Variants in NBAS observed in about 807,000 individuals in gnomAD.
NBAS encodes NBAS subunit of NRZ tethering complex.
Under a neutral mutation model 302.5 loss-of-function variants are expected in NBAS, and 219 were observed. That is an observed-to-expected ratio of 0.72 (90% CI 0.65 to 0.81). NBAS has a LOEUF of 0.81. NBAS is among the 30% of genes least tolerant of loss of function. The pLI is 0.00. For synonymous variants in NBAS, 1,118 were observed against 1,021.6 expected (o/e 1.09, Z -1.80); for missense variants, 2,932 against 2,841.6 (o/e 1.03, Z -0.72).
chr2:14,998,413 A>G, the NBAS span, among the ~76,000 whole-genome samples: 1 of 152,312 alleles, frequency 6.6e-6, no homozygotes, highest in East Asian at 1.9e-4. Context: ...AGGCCCACAC[A>G]ATGGAGACCT....
At chr2:14,779,387 T>C in the NBAS span, among the ~76,000 whole-genome samples, 1 of 152,242 alleles carries the variant, frequency 6.6e-6, no homozygotes, top group African/African-American at 2.4e-5. Flanking sequence ...CTCACATCAG[T>C]CCTCTGCACC....
chr2:15,357,159 CCA>C (rs745332217), intron 32 of NBAS, among the ~76,000 whole-genome samples: 1 of 152,188 alleles, frequency 6.6e-6, no homozygotes, highest in East Asian at 1.9e-4. Context: ...TGCCTCCTTA[CCA>C]CAGTGATTCT....
In NBAS at chr2:15,172,359, G is replaced by A. The variant is rs147223451; in HGVS notation, c.6841-5036C>T. On this transcript the variant is annotated intron_variant, in intron 51 of 51. Coordinates refer to ENST00000281513, the MANE Select transcript of NBAS (RefSeq NM_015909.4). ...ATAACAGCTTCCCACTCTTTCACAT[G>A]TGAAGGATTCTCTGTATAACTGAAA... 7.2e-5 allele frequency among the ~76,000 whole-genome samples: 11 copies of A among 152,276 alleles called. No individual in the cohort carries two copies. In the East Asian group the frequency reaches 1.7e-3, roughly 24 times the overall value.
chr2:15,227,734 A>AAAGTAC (rs1443141973), intron 47 of NBAS, among the ~76,000 whole-genome samples: 6 of 152,220 alleles, frequency 3.9e-5, no homozygotes, highest in African/African-American at 1.4e-4. Context: ...CACACTGGGA[A>AAAGTAC]AAGTACAGTC....
At chr2:15,376,178 A>T (rs1674727101) in intron 30 of NBAS, among the ~76,000 whole-genome samples, 1 of 152,158 alleles carries the variant, frequency 6.6e-6, no homozygotes, top group Non-Finnish European at 1.5e-5. Flanking sequence ...CTCTTTAATC[A>T]GTAAAAATGT....
At chr2:15,193,870 A>G (rs1197773902) in intron 48 of NBAS, among the ~76,000 whole-genome samples, 3 of 152,124 alleles carry the variant, frequency 2.0e-5, no homozygotes, top group Non-Finnish European at 4.4e-5. Context: ...GCAAAGCACA[A>G]CTATAAACTA....
the NBAS span, among the ~76,000 whole-genome samples, chr2:14,983,357 A>G: frequency 6.6e-6 from 1 of 152,234 alleles, no homozygotes; most frequent in Admixed American, 6.5e-5. Context: ...GAATCCAGAA[A>G]TTAGAGACTT....
chr2:15,322,592 A>G (rs1191564459), intron 38 of NBAS, among the ~76,000 whole-genome samples: 1 of 152,176 alleles, frequency 6.6e-6, no homozygotes, highest in Non-Finnish European at 1.5e-5. Context: ...CTAAATAAAT[A>G]ATGACCAACT....
Position 15,467,730 on chromosome 2 carries a change from G to A in NBAS, c.1952C>T (p.Ala651Val), listed in dbSNP as rs376604894. The change falls in exon 18 of 52, where the codon GCC (alanine) becomes GTC (valine). Residue 651 changes from alanine (A) to valine (V), a missense_variant. Ala to Val is a moderately conservative substitution (Grantham distance 64). Coordinates refer to ENST00000281513, the MANE Select transcript of NBAS (RefSeq NM_015909.4). ...GAGCTCCTTTTCCTTTTTATTCTTG[G>A]CAGGCTCTTCATCAGGTGGTGAAAG... ...EELSPPDEEPAKNKKEKELKK... is the reference protein window; with the variant it reads ...EELSPPDEEPVKNKKEKELKK... 2.5e-5 allele frequency: 40 copies of A among 1,608,568 alleles called. No homozygotes were observed. Among genetic ancestry groups the A allele is most frequent in the Non-Finnish European group, 3.3e-5 (39 of 1,175,546 alleles).
intron 19 of NBAS, among the ~76,000 whole-genome samples, chr2:15,463,252 C>T (rs1328228489): frequency 6.6e-6 from 1 of 152,182 alleles, no homozygotes; most frequent in Admixed American, 6.5e-5. Flanking sequence ...CCAGCCTGGG[C>T]AACAGAGCAA....
At chr2:15,248,369 C>T (rs2147977252) in intron 44 of NBAS, among the ~76,000 whole-genome samples, 1 of 152,248 alleles carries the variant, frequency 6.6e-6, no homozygotes, top group Middle Eastern at 3.4e-3. Context: ...CTAAAGTTGA[C>T]ACCCTGACAT....
At chr2:15,547,144 A>G (rs1015255837) in intron 6 of NBAS, among the ~76,000 whole-genome samples, 6 of 152,232 alleles carry the variant, frequency 3.9e-5, no homozygotes, top group Admixed American at 2.6e-4. Context: ...TACAATCCAC[A>G]TTTAAAACAT....
intron 41 of NBAS, among the ~76,000 whole-genome samples, chr2:15,292,139 T>G (rs1407770345): frequency 6.6e-6 from 1 of 152,078 alleles, no homozygotes; most frequent in Non-Finnish European, 1.5e-5. Flanking sequence ...TACACCTGGC[T>G]AATTTTTGTA....
intron 28 of NBAS, among the ~76,000 whole-genome samples, chr2:15,391,835 T>C (rs1675620103): frequency 6.8e-6 from 1 of 146,632 alleles, no homozygotes; most frequent in African/African-American, 2.5e-5. Flanking sequence ...TGGAAAAAAA[T>C]GCATGCTAGG....
chr2:15,488,020 T>C (rs1230685517), intron 12 of NBAS, among the ~76,000 whole-genome samples: 1 of 152,226 alleles, frequency 6.6e-6, no homozygotes, highest in African/African-American at 2.4e-5. Context: ...CTTTCTCTTT[T>C]CCTCTGTCAT....
chr2:15,448,388 C>A (rs1678850713), intron 21 of NBAS, among the ~76,000 whole-genome samples: 1 of 152,148 alleles, frequency 6.6e-6, no homozygotes, highest in Non-Finnish European at 1.5e-5. Flanking sequence ...GATGATGTAT[C>A]GCTTACGTTA....
intron 47 of NBAS, among the ~76,000 whole-genome samples, chr2:15,221,004 A>ATGT: frequency 6.6e-6 from 1 of 152,326 alleles, no homozygotes; most frequent in South Asian, 2.1e-4. Context: ...AAACTACAAA[A>ATGT]TGTTGTGGAT....
chr2:15,107,330 G>A, the NBAS span, among the ~76,000 whole-genome samples: 10,481 of 152,104 alleles, frequency 0.069, 573 homozygotes, highest in African/African-American at 0.15. Context: ...ATGAGAACCC[G>A]ACCATGCTGG....
rs769425183 is a variant in NBAS, at chr2:15,330,650, A to G, written c.4295T>C (p.Val1432Ala). 25 of 1,613,904 alleles carry G rather than the reference A, an allele frequency of 1.5e-5. No homozygotes were observed. The highest frequency in any genetic ancestry group is 2.7e-5 in the African/African-American group (2 of 74,908). Residue 1432 changes from valine (V) to alanine (A), a missense_variant, in exon 36 of 52, where the codon GTC (valine) becomes GCC (alanine). Physicochemically the swap from Val to Ala is moderately conservative, Grantham distance 64 (BLOSUM62 0). Transcript: ENST00000281513. ...TTTTKAVLQA[V>A]SDGQWWKKSL... ...CTTCTTCCACCACTGCCCATCACTGACGGCCTGCAGCACCGCTTTGGTGGT... is the reference window on the plus strand; with the variant it reads ...CTTCTTCCACCACTGCCCATCACTGGCGGCCTGCAGCACCGCTTTGGTGGT...
Sources: gnomAD v4.1 joint callset for allele counts (sites outside exome capture counted in the v4.1 genomes callset) on GRCh38, gnomAD v4.1.1 for gene constraint, MANE v1.5 for transcripts, NCBI Gene and HGNC (gene_info 2026-07-23, HGNC 2026-07-21) for gene names.